Variants in PAX2 observed in about 807,000 individuals in gnomAD.
PAX2 encodes paired box 2.
PAX2 carries 9 observed loss-of-function variants against 41.7 expected under a neutral mutation model. That is an observed-to-expected ratio of 0.22 (90% CI 0.13 to 0.38). The LOEUF (loss-of-function observed/expected upper bound fraction) is 0.38, where lower values mean the gene tolerates loss of function less well. PAX2 is among the 10% of genes least tolerant of loss of function. The pLI is 1.00. For missense variants in PAX2, 418 were observed against 531.6 expected (o/e 0.79, Z 2.10); for synonymous variants, 221 against 212.7 (o/e 1.04, Z -0.34).
At chr10:100,742,625 C>T (rs538315582), upstream of PAX2, among the ~76,000 whole-genome samples, 2 of 152,198 alleles carry the variant, frequency 1.3e-5, no homozygotes, top group South Asian at 4.2e-4. Flanking sequence ...AGTTTATTTG[C>T]CTTTAAATTT....
intron 5 of PAX2, among the ~76,000 whole-genome samples, chr10:100,782,278 T>TCA (rs56252323): frequency 0.16 from 23,631 of 152,214 alleles, 2,244 homozygotes; most frequent in Middle Eastern, 0.3. Context: ...ACAATGAGCA[T>TCA]AAAGGGGTGA....
chr10:100,818,237 C>T (rs1048068503), intron 7 of PAX2, among the ~76,000 whole-genome samples: 2 of 152,180 alleles, frequency 1.3e-5, no homozygotes, highest in Non-Finnish European at 2.9e-5. Context: ...CTGAACTCCT[C>T]GATAGAACTT....
intron 5 of PAX2, among the ~76,000 whole-genome samples, chr10:100,798,426 C>T (rs757586834): frequency 5.9e-5 from 9 of 152,060 alleles, no homozygotes; most frequent in Non-Finnish European, 1.0e-4. Context: ...CACTTTATGC[C>T]CACCTCTTGA....
rs1053529528 is a variant in PAX2 at position 100,747,903 on chromosome 10, G to A, written c.43+1600G>A. On this transcript the variant is annotated intron_variant, in intron 1 of 9. Transcript: ENST00000355243. ...CTCCTTTTTTGCGGATTCCGCCGGG[G>A]GTCCGCCGAGTCCTGGCTGCCCGCG... 4 of 984,248 alleles carry A rather than the reference G, an allele frequency of 4.1e-6. No homozygotes were observed. The African/African-American group carries it at 7.0e-5, about 17-fold the overall frequency. The allele number at this position is 984,248 out of a possible 1,614,324, so 61.0% of individuals were successfully genotyped here. A position where few individuals can be genotyped will look rare whatever the true frequency, so the allele number is the denominator to read the frequency against.
intron 3 of PAX2, among the ~76,000 whole-genome samples, chr10:100,756,947 G>C (rs780573451): frequency 3.9e-5 from 6 of 152,214 alleles, no homozygotes; most frequent in Non-Finnish European, 8.8e-5. Flanking sequence ...GGGAAATAGA[G>C]TCTCACAACC....
Position 100,749,537 on chromosome 10 carries a change from G to A in PAX2, c.44-209G>A, listed in dbSNP as rs1260061775. On this transcript the variant is annotated intron_variant, in intron 1 of 9. Transcript: ENST00000355243. ...GTCGCAAGGCCTGAGTCGCCCTCTC[G>A]CCCAGCCCCCAGTCTTCAGCCCAGC... 1.5e-5 allele frequency: 20 copies of A among 1,349,138 alleles called. No individual in the cohort carries two copies. In the African/African-American group the frequency reaches 1.8e-4, roughly 12 times the overall value. The allele number at this position is 1,349,138 out of a possible 1,614,324, so 83.6% of individuals were successfully genotyped here. A position where few individuals can be genotyped will look rare whatever the true frequency, so the allele number is the denominator to read the frequency against.
chr10:100,803,409 T>G (rs527415633), intron 5 of PAX2, among the ~76,000 whole-genome samples: 17 of 152,068 alleles, frequency 1.1e-4, no homozygotes, highest in African/African-American at 4.1e-4. Flanking sequence ...TCTCCTTGCC[T>G]TCATTCCTCC....
chr10:100,816,419 A>T (rs1848186212), intron 7 of PAX2, among the ~76,000 whole-genome samples: 1 of 152,242 alleles, frequency 6.6e-6, no homozygotes, highest in African/African-American at 2.4e-5. Context: ...GGTACTTTTT[A>T]AGAAGAAAAT....
intron 3 of PAX2, among the ~76,000 whole-genome samples, chr10:100,755,895 G>A (rs1845608732): frequency 6.6e-6 from 1 of 152,206 alleles, no homozygotes. Flanking sequence ...GGAGATTAGG[G>A]AAGGGGTGGA....
intron 6 of PAX2, among the ~76,000 whole-genome samples, chr10:100,808,355 GA>G (rs1434186394): frequency 6.6e-6 from 1 of 152,104 alleles, no homozygotes; most frequent in African/African-American, 2.4e-5. Flanking sequence ...CCAGGAAGCG[GA>G]AGGGAAAAAA....
intron 5 of PAX2, among the ~76,000 whole-genome samples, chr10:100,793,479 C>G (rs1847211483): frequency 6.6e-6 from 1 of 152,228 alleles, no homozygotes; most frequent in Non-Finnish European, 1.5e-5. Flanking sequence ...ATGGATCGCA[C>G]ACATCTAGGC....
chr10:100,787,634 T>C (rs981623336), intron 5 of PAX2, among the ~76,000 whole-genome samples: 3 of 152,018 alleles, frequency 2.0e-5, no homozygotes, highest in Non-Finnish European at 2.9e-5. Context: ...GGGCAGGGCC[T>C]CGGTATCAGC....
At chr10:100,763,842 G>A (rs1481670281) in intron 3 of PAX2, among the ~76,000 whole-genome samples, 1 of 152,210 alleles carries the variant, frequency 6.6e-6, no homozygotes, top group Non-Finnish European at 1.5e-5. Context: ...AGAGTTTGAA[G>A]CTGGCTTCCC....
intron 3 of PAX2, among the ~76,000 whole-genome samples, chr10:100,775,842 C>T (rs1846368490): frequency 6.6e-6 from 1 of 152,208 alleles, no homozygotes; most frequent in African/African-American, 2.4e-5. Flanking sequence ...CAGCTACTAT[C>T]CAATCTTTTC....
chr10:100,800,213 C>T (rs140459887), intron 5 of PAX2, among the ~76,000 whole-genome samples: 1 of 151,686 alleles, frequency 6.6e-6, no homozygotes, highest in East Asian at 1.9e-4. Context: ...TTGGTGCTTT[C>T]TGCCCAAGCA....
intron 7 of PAX2, among the ~76,000 whole-genome samples, chr10:100,810,252 G>C (rs1847946289): frequency 6.6e-6 from 1 of 152,186 alleles, no homozygotes; most frequent in South Asian, 2.1e-4. Context: ...CTGGGCCCTG[G>C]TTCTGCCTGT....
At chr10:100,799,358 T>A (rs1847457543) in intron 5 of PAX2, among the ~76,000 whole-genome samples, 1 of 152,258 alleles carries the variant, frequency 6.6e-6, no homozygotes, top group South Asian at 2.1e-4. Context: ...CTTGCACATA[T>A]TTTGAACTCT....
chr10:100,813,648 G>C (rs769894079), intron 7 of PAX2, among the ~76,000 whole-genome samples: 1 of 152,210 alleles, frequency 6.6e-6, no homozygotes, highest in South Asian at 2.1e-4. Context: ...ACAAGGAAGG[G>C]GGCAGAATGG....
chr10:100,747,952 G>C, intron 1 of PAX2: 8 of 983,520 alleles, frequency 8.1e-6, no homozygotes, highest in Non-Finnish European at 9.6e-6. Context: ...AAACCCAAAG[G>C]TTTCTGCACG....
Sources: allele counts gnomAD v4.1 joint callset (sites outside exome capture counted in the v4.1 genomes callset), GRCh38; gene constraint gnomAD v4.1.1; transcripts MANE v1.5; gene names NCBI Gene and HGNC (gene_info 2026-07-23, HGNC 2026-07-21).